Variants in DGKZ observed in about 807,000 individuals in gnomAD.
The protein encoded by DGKZ is diacylglycerol kinase zeta.
A neutral mutation model predicts 142.5 loss-of-function variants in DGKZ; 45 were observed. The observed-to-expected ratio is 0.32, with a 90% CI of 0.25 to 0.40. DGKZ has a LOEUF of 0.40. Ranked by LOEUF, DGKZ falls within the 10% of genes least tolerant of loss-of-function variation. DGKZ has a pLI of 1.00. For synonymous variants in DGKZ, 442 were observed against 527.0 expected (o/e 0.84, Z 2.21); for missense variants, 755 against 1,306.5 (o/e 0.58, Z 6.51).
rs1290004530 is a variant in DGKZ, at chr11:46,372,550, A to G, written c.1010+40A>G. ...AGGTTTTGTGGGGGACATGGGGGGG[A>G]ACTTGCCTCACTCCTGGGGTACAGC... is the stretch of plus-strand genomic sequence containing the variant. On this transcript the variant is annotated intron_variant, in intron 11 of 30. Coordinates refer to ENST00000527911, the Ensembl canonical transcript of DGKZ. The surrounding 1 kb of genome is among the most constrained non-coding windows in gnomAD (Gnocchi z 5.9). 5 of 1,613,268 alleles carry G rather than the reference A, an allele frequency of 3.1e-6. No individual in the cohort carries two copies. In the African/African-American group the frequency reaches 5.4e-5, roughly 17 times the overall value.
chr11:46,372,705 C>A lies in DGKZ; in HGVS notation c.1071+28C>A. On this transcript the variant is annotated intron_variant, in intron 12 of 30. Coordinates refer to ENST00000527911, the Ensembl canonical transcript of DGKZ. The surrounding 1 kb of genome is among the most constrained non-coding windows in gnomAD (Gnocchi z 5.9). ...GAGCTCCCCGCATGGGCCAGCCGAG[C>A]ACCAGGGCTGGGCCTGAAGCCGGGG... 1.2e-6 allele frequency: 2 copies of A among 1,612,522 alleles called. No individual in the cohort carries two copies. Among genetic ancestry groups the A allele is most frequent in the African/African-American group, 2.7e-5 (2 of 75,042 alleles).
chr11:46,354,291 A>G (rs1941748315), intron 1 of DGKZ, among the ~76,000 whole-genome samples: 1 of 152,168 alleles, frequency 6.6e-6, no homozygotes, highest in Non-Finnish European at 1.5e-5. Context: ...GGCTCAAGCA[A>G]TCCTTCCACC....
intron 1 of DGKZ, among the ~76,000 whole-genome samples, chr11:46,351,342 C>T (rs573865912): frequency 6.6e-6 from 1 of 152,124 alleles, no homozygotes; most frequent in East Asian, 1.9e-4. Context: ...CTGCCCTTCA[C>T]GGTGCTCAAA....
At chr11:46,343,147 A>G (rs990056645), upstream of DGKZ, among the ~76,000 whole-genome samples, 3 of 152,076 alleles carry the variant, frequency 2.0e-5, no homozygotes, top group Non-Finnish European at 2.9e-5. Flanking sequence ...AAAAAAGCAA[A>G]AAAAGGAGGA....
rs778382225 is a variant in DGKZ, at chr11:46,379,422, G to A, written c.2574-32G>A. The A allele has an allele frequency of 1.2e-5, 19 of 1,591,236 alleles. No homozygotes were observed. In the South Asian group the frequency reaches 1.9e-4, roughly 16 times the overall value. On this transcript the variant is annotated intron_variant, in intron 29 of 30. Coordinates refer to ENST00000527911, the Ensembl canonical transcript of DGKZ. Reference sequence around the variant, plus strand: ...GATGGCCCTTGGGAGACAGATGGGTGGATCAGGGGACGGGATGGGGTACAC... The same window carrying A: ...GATGGCCCTTGGGAGACAGATGGGTAGATCAGGGGACGGGATGGGGTACAC...
upstream of DGKZ, chr11:46,345,332 A>G: frequency 7.2e-7 from 1 of 1,384,574 alleles, no homozygotes; most frequent in East Asian, 3.0e-5. The surrounding 1 kb of genome is among the most constrained non-coding windows in gnomAD (Gnocchi z 4.1). Context: ...TTGGGCGGCC[A>G]GCGGCCTCTA....
At chr11:46,356,547 A>G (rs1449097895) in intron 1 of DGKZ, among the ~76,000 whole-genome samples, 3 of 152,174 alleles carry the variant, frequency 2.0e-5, no homozygotes, top group Non-Finnish European at 4.4e-5. Context: ...GTCTGAGAGG[A>G]AAACCATGAG....
At chr11:46,347,427 C>T (rs1940759605), upstream of DGKZ, 3 of 982,358 alleles carry the variant, frequency 3.1e-6, no homozygotes, top group Non-Finnish European at 3.6e-6. This position sits in a 1 kb window ranked among gnomAD's most constrained non-coding sequence, Gnocchi z 6.4. Flanking sequence ...GGCAGCGGCC[C>T]GGCCAGCTAT....
Position 46,374,473 on chromosome 11 carries a change from C to T in DGKZ, c.1461+19C>T. 1 of 1,613,956 alleles carries T rather than the reference C, an allele frequency of 6.2e-7. No individual in the cohort carries two copies. Among genetic ancestry groups the T allele is most frequent in the East Asian group, 2.2e-5 (1 of 44,866 alleles). ...CGCCGGGGTGAGTGGGGTCTGCACC[C>T]CCGCCTGTGCCCACCTCTTCTACCA... On this transcript the variant is annotated intron_variant, in intron 16 of 30. Transcript: ENST00000527911.
At chr11:46,332,948 G>A (rs938461069) in exon 1 of DGKZ, 3 of 246,002 alleles carry the variant, frequency 1.2e-5, no homozygotes, top group Non-Finnish European at 2.3e-5. Context: ...GGCAGCAGCG[G>A]CGGTTGCAGG....
intron 1 of DGKZ, among the ~76,000 whole-genome samples, chr11:46,359,513 C>G (rs936186414): frequency 5.3e-5 from 8 of 152,160 alleles, no homozygotes; most frequent in Non-Finnish European, 1.2e-4. Context: ...CCAGTATTTT[C>G]CAATGACTGG....
chr11:46,376,982 T>A (rs1170818739), intron 24 of DGKZ, 91 bp from the exon 25 acceptor site: 1 of 1,192,422 alleles, frequency 8.4e-7, no homozygotes, highest in African/African-American at 1.5e-5. Context: ...TTTGTGCTCA[T>A]GGCAGAGGCT....
chr11:46,357,455 T>C (rs1373807922), intron 1 of DGKZ, among the ~76,000 whole-genome samples: 1 of 152,210 alleles, frequency 6.6e-6, no homozygotes, highest in Non-Finnish European at 1.5e-5. Context: ...GCCATCCCCT[T>C]GTACCCAACA....
Position 46,367,240 on chromosome 11 carries a change from G to C in DGKZ, c.162-51G>C, listed in dbSNP as rs2136462792. The C allele has an allele frequency of 6.6e-7, 1 of 1,522,268 alleles. No homozygotes were observed. Among genetic ancestry groups the C allele is most frequent in the East Asian group, 2.3e-5 (1 of 42,832 alleles). 94.3% of individuals were successfully genotyped at this position (1,522,268 alleles called of 1,614,324 possible). ...CAGAGGCCCCAGGAGGTGGGAGGAA[G>C]TAGGGTCAGCAAGTGCTCAGCCCCC... On this transcript the variant is annotated intron_variant, in intron 1 of 30. Transcript: ENST00000527911. The surrounding 1 kb of genome is among the most constrained non-coding windows in gnomAD (Gnocchi z 4.1).
At chr11:46,378,202 C>T in exon 26 of DGKZ, 1 of 1,609,524 alleles carries the variant, frequency 6.2e-7, no homozygotes, top group South Asian at 1.1e-5. Context: ...TTGCAGGTCA[C>T]TGCAAGGGGA....
chr11:46,366,921 G>C (rs1051860677), intron 1 of DGKZ: 1 of 1,544,200 alleles, frequency 6.5e-7, no homozygotes, highest in Non-Finnish European at 8.7e-7. Flanking sequence ...CCACTGTCCC[G>C]CAGGCGCCAG....
In DGKZ at chr11:46,367,924, G is replaced by A. The variant is rs1422101732; in HGVS notation, c.367-78G>A. On this transcript the variant is annotated intron_variant, in intron 3 of 30. Coordinates refer to ENST00000527911, the Ensembl canonical transcript of DGKZ. The surrounding 1 kb of genome is among the most constrained non-coding windows in gnomAD (Gnocchi z 4.1). ...ACTGGGGCTTCCCAGTGCACACAAA[G>A]GGCAGCTGTGCTGGGGCAGGCAGCC... The A allele has an allele frequency of 3.2e-6, 5 of 1,561,260 alleles. No homozygotes were observed. In the Admixed American group the frequency reaches 8.4e-5, roughly 26 times the overall value.
At chr11:46,366,237 C>G (rs1202078226) in intron 1 of DGKZ, 1 of 1,555,408 alleles carries the variant, frequency 6.4e-7, no homozygotes, top group Non-Finnish European at 8.6e-7. Flanking sequence ...GTCTCTGTGC[C>G]CAACAGCCAA....
intron 1 of DGKZ, among the ~76,000 whole-genome samples, chr11:46,358,428 AC>A: frequency 6.6e-6 from 1 of 152,076 alleles, no homozygotes; most frequent in Non-Finnish European, 1.5e-5. Flanking sequence ...TTTTAAGAAC[AC>A]CATTTGTACT....
Sources: allele counts gnomAD v4.1 joint callset (sites outside exome capture counted in the v4.1 genomes callset), GRCh38; gene constraint gnomAD v4.1.1; non-coding constraint Gnocchi (gnomAD v3.1); transcripts MANE v1.5; gene names NCBI Gene and HGNC (gene_info 2026-07-23, HGNC 2026-07-21).